Variants in DDX11 observed in about 807,000 individuals in gnomAD.
DDX11 encodes ATP-dependent DNA helicase DDX11.
DDX11 carries 72 observed loss-of-function variants against 125.2 expected under a neutral mutation model. The observed-to-expected ratio is 0.58, with a 90% CI of 0.48 to 0.70. DDX11 has a LOEUF of 0.70. Ranked by LOEUF, DDX11 falls within the 30% of genes least tolerant of loss-of-function variation. The pLI, the probability that DDX11 is intolerant of heterozygous loss-of-function variation, is 0.00. For missense variants in DDX11, 883 were observed against 1,165.0 expected (o/e 0.76, Z 3.52); for synonymous variants, 347 against 452.6 (o/e 0.77, Z 2.96).
chr12:31,097,573 G>A (rs1442768010), intron 17 of DDX11, among the ~76,000 whole-genome samples: 4 of 148,458 alleles, frequency 2.7e-5, no homozygotes, highest in African/African-American at 1.0e-4. Flanking sequence ...CCAGCTACTC[G>A]GGAGGCTGAG....
intron 5 of DDX11, chr12:31,086,232 G>A (rs112150025): frequency 0.044 from 18,839 of 424,632 alleles, 695 homozygotes; most frequent in East Asian, 0.15. Context: ...TGGTGGCTTC[G>A]GGTGTCAGCT....
At position 31,102,470 on chromosome 12, in the gene DDX11, T is replaced by C. The variant is rs1179726195; in HGVS notation, c.2315T>C (p.Leu772Pro). 1 of 1,613,906 alleles carries C rather than the reference T, an allele frequency of 6.2e-7. No individual in the cohort carries two copies. Among genetic ancestry groups the C allele is most frequent in the East Asian group, 2.2e-5 (1 of 44,886 alleles). Reference sequence around the variant, plus strand: ...GGCCAGGTGACAGGGGCCCTGCTCCTCTCTGTGGTTGGAGGAAAGATGAGT... The same window carrying C: ...GGCCAGGTGACAGGGGCCCTGCTCCCCTCTGTGGTTGGAGGAAAGATGAGT... ...ERGQVTGALL[L>P]SVVGGKMSEG... Residue 772 changes from leucine to proline, a missense_variant, in exon 23 of 27, where the codon CTC (leucine) becomes CCC (proline). Transcript: ENST00000542838.
At chr12:31,080,453 A>G (rs1318929948) in intron 2 of DDX11, among the ~76,000 whole-genome samples, 1 of 152,178 alleles carries the variant, frequency 6.6e-6, no homozygotes, top group Non-Finnish European at 1.5e-5. Flanking sequence ...AGGAGCAGGG[A>G]TTGCAACCTG....
intron 12 of DDX11, among the ~76,000 whole-genome samples, chr12:31,093,991 G>A (rs1430042170): frequency 2.0e-5 from 3 of 150,502 alleles, no homozygotes; most frequent in East Asian, 2.0e-4. Flanking sequence ...CTGTGAGAAC[G>A]CAGTGCTGGT....
At chr12:31,103,094 G>A (rs1034544496) in intron 24 of DDX11, 74 bp downstream of exon 24, 2 of 1,550,898 alleles carry the variant, frequency 1.3e-6, no homozygotes, top group African/African-American at 2.7e-5. Flanking sequence ...CCCCAGGGCT[G>A]ATACAGCCAG....
intron 12 of DDX11, among the ~76,000 whole-genome samples, chr12:31,093,978 G>C (rs1944752114): frequency 6.7e-6 from 1 of 150,178 alleles, no homozygotes; most frequent in South Asian, 2.1e-4. Context: ...GGTTTTGTGT[G>C]CCCTGTGAGA....
intron 19 of DDX11, 137 bp downstream of exon 19, chr12:31,100,844 C>G: frequency 9.1e-7 from 1 of 1,102,626 alleles, no homozygotes; most frequent in Non-Finnish European, 1.4e-6. Flanking sequence ...TTCGTGCGCT[C>G]GCCCAGGCTC....
At chr12:31,079,037 T>C (rs531684370) in intron 2 of DDX11, among the ~76,000 whole-genome samples, 1 of 152,300 alleles carries the variant, frequency 6.6e-6, no homozygotes, top group South Asian at 2.1e-4. Context: ...GCTGAAGTCA[T>C]TGGTGCCTAC....
chr12:31,084,748 G>T, intron 4 of DDX11, 79 bp downstream of exon 4: 1 of 1,397,060 alleles, frequency 7.2e-7, no homozygotes, highest in Non-Finnish European at 1.0e-6. Flanking sequence ...GCGTGGTCAG[G>T]GCCTTGGTCT....
Position 31,083,776 on chromosome 12 carries a change from GT to G in DDX11, c.145-33del, listed in dbSNP as rs370753211. 4 of 1,607,844 alleles carry G rather than the reference GT, an allele frequency of 2.5e-6. No individual in the cohort carries two copies. The African/African-American group carries it at 5.4e-5, about 22-fold the overall frequency. On this transcript the variant is annotated intron_variant, in intron 2 of 26. Coordinates refer to ENST00000542838, the MANE Select transcript of DDX11 (RefSeq NM_030653.4). ...GAAAGGTCATTTGGGAGGCTTTGTT[GT>G]TTTCCTGTTTCTAAAGATCATTTTT...
chr12:31,077,710 G>A (rs1206776931), intron 1 of DDX11, among the ~76,000 whole-genome samples: 2 of 152,062 alleles, frequency 1.3e-5, no homozygotes, highest in Admixed American at 1.3e-4. Context: ...TGGGCGTGGT[G>A]GCGGGCACCT....
chr12:31,104,494 C>A lies in DDX11; in HGVS notation c.*658C>A, dbSNP rs1358068818. 1.7e-5 allele frequency: 3 copies of A among 181,034 alleles called. No homozygotes were observed. Among genetic ancestry groups the A allele is most frequent in the Non-Finnish European group, 1.2e-5 (1 of 84,830 alleles). The allele number at this position is 181,034 out of a possible 1,614,324, so 11.2% of individuals were successfully genotyped here. On this transcript the variant is annotated 3_prime_UTR_variant, in exon 27 of 27. Coordinates refer to ENST00000542838, the MANE Select transcript of DDX11 (RefSeq NM_030653.4). The stretch of plus-strand genomic sequence containing the variant: ...AACCACTTGAGCAAACTCCAAGACA[C>A]CTTCTACCCCAACACCAGCAATTAT...
chr12:31,085,589 C>T (rs1350239938), intron 5 of DDX11, among the ~76,000 whole-genome samples: 1 of 152,190 alleles, frequency 6.6e-6, no homozygotes, highest in Non-Finnish European at 1.5e-5. Context: ...TCTGTTGGTC[C>T]AGACTCAAGG....
At position 31,084,141 on chromosome 12, in the gene DDX11, C is replaced by T. The variant is rs573181937; in HGVS notation, c.393+80C>T. 6.0e-5 allele frequency: 94 copies of T among 1,569,996 alleles called. No individual in the cohort carries two copies. The South Asian group carries it at 7.3e-4, about 12-fold the overall frequency. On this transcript the variant is annotated intron_variant, in intron 3 of 26. Transcript: ENST00000542838. ...ATTGTTCTGGGGCGATTCCGAGACTCAGGCAGTGCATGCTCCCCTGCCGTT... is the reference window on the plus strand; with the variant it reads ...ATTGTTCTGGGGCGATTCCGAGACTTAGGCAGTGCATGCTCCCCTGCCGTT...
chr12:31,100,099 GTTTGGTA>G (rs1946117163), intron 18 of DDX11, among the ~76,000 whole-genome samples: 1 of 152,172 alleles, frequency 6.6e-6, no homozygotes, highest in South Asian at 2.1e-4. Flanking sequence ...GGCACATGCT[GTTTGGTA>G]TTTGTGGGCT....
intron 3 of DDX11, among the ~76,000 whole-genome samples, chr12:31,084,361 G>A (rs1942626239): frequency 6.6e-6 from 1 of 152,246 alleles, no homozygotes; most frequent in Non-Finnish European, 1.5e-5. Flanking sequence ...CTGATGGAGA[G>A]CGTGTGGCTT....
chr12:31,088,080 C>G, intron 6 of DDX11, 97 bp downstream of exon 6: 5 of 1,539,434 alleles, frequency 3.2e-6, no homozygotes, highest in Non-Finnish European at 4.4e-6. Flanking sequence ...ACTTCTCACC[C>G]TCCTCTCCAC....
chr12:31,094,869 T>G, intron 14 of DDX11, 47 bp downstream of exon 14: 3 of 1,595,634 alleles, frequency 1.9e-6, no homozygotes, highest in Non-Finnish European at 2.6e-6. Context: ...TTCCTTCCTG[T>G]CACCACCTGT....
intron 17 of DDX11, 45 bp downstream of exon 17, chr12:31,097,035 C>G (rs759745463): frequency 6.2e-7 from 1 of 1,610,662 alleles, no homozygotes; most frequent in Admixed American, 1.7e-5. Flanking sequence ...AGGAAGGAGC[C>G]AAGCTGAGCC....
Sources: allele counts gnomAD v4.1 joint callset (sites outside exome capture counted in the v4.1 genomes callset), GRCh38; gene constraint gnomAD v4.1.1; transcripts MANE v1.5; gene names NCBI Gene and HGNC (gene_info 2026-07-23, HGNC 2026-07-21).